ESPNL: variants seen among roughly 807,000 people sequenced by gnomAD.
ESPNL encodes espin-like protein.
A neutral mutation model predicts 46.8 loss-of-function variants in ESPNL; 49 were observed. The observed-to-expected ratio is 1.05, with a 90% confidence interval of 0.83 to 1.33. The LOEUF (loss-of-function observed/expected upper bound fraction) is 1.33, where lower values mean the gene tolerates loss of function less well. Among genes scored for constraint, ESPNL ranks in the 40% most tolerant of loss-of-function variants. ESPNL has a pLI of 0.00. For missense variants in ESPNL, 1,540 were observed against 1,436.6 expected (o/e 1.07, Z -1.16); for synonymous variants, 664 against 662.1 (o/e 1.00, Z -0.04).
chr2:238,102,143 A>G lies in ESPNL; in HGVS notation c.485+12A>G, dbSNP rs1247540987. On this transcript the variant is annotated intron_variant, in intron 2 of 8. Coordinates refer to ENST00000343063, the MANE Select transcript of ESPNL (RefSeq NM_194312.4). The stretch of plus-strand genomic sequence containing the variant: ...GCCGCGCATGGCAGGTAAGGAGCCC[A>G]AAGTCCCGCCTGGGGGGGCAGCCTG... The G allele has an allele frequency of 1.3e-6, 2 of 1,521,754 alleles. No homozygotes were observed. The highest frequency in any genetic ancestry group is 1.2e-5 in the South Asian group (1 of 80,580). The allele number at this position is 1,521,754 out of a possible 1,614,324, so 94.3% of individuals were successfully genotyped here.
chr2:238,108,813 C>T (rs1429540595), intron 4 of ESPNL, among the ~76,000 whole-genome samples: 3 of 152,210 alleles, frequency 2.0e-5, no homozygotes, highest in South Asian at 2.1e-4. Flanking sequence ...CCTGGGGCCC[C>T]GGGTCACCCA....
chr2:238,115,314 C>T (rs748596102), intron 4 of ESPNL, among the ~76,000 whole-genome samples: 151 of 152,224 alleles, frequency 9.9e-4, no homozygotes, highest in Non-Finnish European at 3.4e-4. Flanking sequence ...CACTCGCCCT[C>T]GAGGTCTCAA....
At chr2:238,106,958 GCACT>G (rs1470947926) in intron 3 of ESPNL, among the ~76,000 whole-genome samples, 1 of 152,236 alleles carries the variant, frequency 6.6e-6, no homozygotes, top group Non-Finnish European at 1.5e-5. Flanking sequence ...GCGCTAGGAG[GCACT>G]CACACCGAAG....
intron 3 of ESPNL, 146 bp downstream of exon 3, chr2:238,104,988 C>T (rs955659462): frequency 1.4e-6 from 1 of 704,178 alleles, no homozygotes; most frequent in Non-Finnish European, 2.2e-6. Context: ...CCATGGCTCC[C>T]GAGAATCTGC....
chr2:238,129,468 G>A (rs1040157302), intron 8 of ESPNL, among the ~76,000 whole-genome samples: 6 of 152,174 alleles, frequency 3.9e-5, no homozygotes, highest in Non-Finnish European at 7.4e-5. Flanking sequence ...AGGAGGAGGC[G>A]CCCTGGCATG....
chr2:238,103,756 A>T (rs1288982425), intron 2 of ESPNL, among the ~76,000 whole-genome samples: 1 of 152,214 alleles, frequency 6.6e-6, no homozygotes, highest in Non-Finnish European at 1.5e-5. Context: ...CCTTTGGGGC[A>T]CATTCCATGA....
At chr2:238,120,866 G>C (rs926229966) in intron 5 of ESPNL, among the ~76,000 whole-genome samples, 19 of 152,214 alleles carry the variant, frequency 1.2e-4, no homozygotes, top group Admixed American at 5.2e-4. Flanking sequence ...GCTCACACTG[G>C]CCGCCTCCGA....
chr2:238,115,164 G>A (rs781023118), intron 4 of ESPNL, among the ~76,000 whole-genome samples: 7 of 152,208 alleles, frequency 4.6e-5, no homozygotes, highest in Non-Finnish European at 7.3e-5. Flanking sequence ...GGATTCCAGG[G>A]AGCAGGGCTC....
intron 4 of ESPNL, among the ~76,000 whole-genome samples, chr2:238,111,440 C>T (rs746671688): frequency 2.6e-5 from 4 of 152,264 alleles, no homozygotes; most frequent in African/African-American, 4.8e-5. Context: ...AGCAATTCTC[C>T]GTCTCCCTTA....
intron 4 of ESPNL, among the ~76,000 whole-genome samples, chr2:238,116,595 A>C (rs1414914342): frequency 6.6e-6 from 1 of 152,220 alleles, no homozygotes; most frequent in African/African-American, 2.4e-5. Context: ...CTGGTTCTGC[A>C]TTTGACACTT....
At chr2:238,104,877 A>G (rs1559258406) in intron 3 of ESPNL, 35 bp downstream of exon 3, 1 of 1,430,916 alleles carries the variant, frequency 7.0e-7, no homozygotes, top group Non-Finnish European at 9.2e-7. Flanking sequence ...GGGGACATCC[A>G]GGGAGTGTGG....
chr2:238,129,998 T>C, intron 8 of ESPNL, 130 bp from the exon 9 acceptor site: 1 of 1,074,396 alleles, frequency 9.3e-7, no homozygotes, highest in Non-Finnish European at 1.3e-6. Flanking sequence ...TGGGAAGCCC[T>C]TTAAAGTCTT....
chr2:238,104,559 C>T (rs1344475421), intron 2 of ESPNL, 97 bp from the exon 3 acceptor site: 30 of 1,310,518 alleles, frequency 2.3e-5, no homozygotes, highest in African/African-American at 3.0e-5. Context: ...TCAGTCATCA[C>T]GGGCAGGGCC....
chr2:238,126,817 G>A (rs572392447), intron 6 of ESPNL, among the ~76,000 whole-genome samples: 1 of 150,524 alleles, frequency 6.6e-6, no homozygotes, highest in East Asian at 2.0e-4. Context: ...TTCTGTGTCT[G>A]TGTGTTTCTC....
Position 238,130,618 on chromosome 2 carries a change from GC to G in ESPNL, c.1910del (p.Pro637LeufsTer48). ...GACACCTGCAGGGAGGCCTCGGCCA[GC>G]CCCCCTCGGAGCGAGGCCCAGCGCC... ...LQDTCREASA[S>X]PPRSEAQRQI... On this transcript the variant is annotated frameshift_variant, in exon 9 of 9. Transcript: ENST00000343063. LOFTEE classifies it low-confidence loss of function (END_TRUNC). The G allele has an allele frequency of 1.3e-6, 2 of 1,563,336 alleles. No homozygotes were observed. The highest frequency in any genetic ancestry group is 1.7e-6 in the Non-Finnish European group (2 of 1,154,066).
intron 4 of ESPNL, among the ~76,000 whole-genome samples, chr2:238,115,057 T>A (rs954377175): frequency 6.6e-5 from 10 of 152,130 alleles, no homozygotes; most frequent in Non-Finnish European, 1.5e-4. Flanking sequence ...CTTGCGGCGG[T>A]TCTGGCTCCG....
At chr2:238,104,303 C>CCACAGGG (rs1278402711) in intron 2 of ESPNL, among the ~76,000 whole-genome samples, 2 of 152,202 alleles carry the variant, frequency 1.3e-5, no homozygotes, top group Non-Finnish European at 2.9e-5. Flanking sequence ...GCGCCACCTG[C>CCACAGGG]CACAGGGCAC....
chr2:238,123,341 G>A (rs1211660882), intron 5 of ESPNL, among the ~76,000 whole-genome samples: 1 of 152,224 alleles, frequency 6.6e-6, no homozygotes, highest in Non-Finnish European at 1.5e-5. Context: ...GGTCTCCAGT[G>A]AGACTCTCAT....
rs769996903 is a variant in ESPNL at position 238,130,522 on chromosome 2, T to TG, written c.1809dup (p.Ser604ValfsTer15). On this transcript the variant is annotated frameshift_variant, in exon 9 of 9. Transcript: ENST00000343063. LOFTEE classifies it low-confidence loss of function (END_TRUNC). ...CACATCTCCCGCCTGGTACGCAGCC[T>TG]GTCCCTGCTGCTGAAGGGCGTGCAT... is the stretch of plus-strand genomic sequence containing the variant. 6.3e-7 allele frequency: 1 copy of TG among 1,596,154 alleles called. No homozygotes were observed.
Sources: allele counts gnomAD v4.1 joint callset (sites outside exome capture counted in the v4.1 genomes callset), GRCh38; gene constraint gnomAD v4.1.1; transcripts MANE v1.5; gene names NCBI Gene and HGNC (gene_info 2026-07-23, HGNC 2026-07-21).